FEM1C: variants seen among roughly 807,000 people sequenced by gnomAD.
FEM1C encodes the protein protein fem-1 homolog C.
A neutral mutation model predicts 37.6 loss-of-function variants in FEM1C; 15 were observed. That is an observed-to-expected ratio of 0.40 (90% CI 0.27 to 0.61). The LOEUF (loss-of-function observed/expected upper bound fraction) is 0.61. Among genes scored for constraint, FEM1C ranks in the 20% least tolerant of loss-of-function variants. The pLI is 0.42. For synonymous variants in FEM1C, 287 were observed against 272.8 expected, an observed-to-expected ratio of 1.05 and a Z score of -0.51; for missense variants, 532 against 749.7, an observed-to-expected ratio of 0.71 and a Z score of 3.39.
intron 2 of FEM1C, among the ~76,000 whole-genome samples, chr5:115,538,967 A>G (rs1414267557): frequency 6.6e-6 from 1 of 152,010 alleles, no homozygotes; most frequent in African/African-American, 2.4e-5. Flanking sequence ...ATTCCTAGTC[A>G]GTACACCCGC....
rs1333748401 is a variant in FEM1C at position 115,520,978 on chromosome 5, A to G, written c.*3330T>C. On this transcript the variant is annotated 3_prime_UTR_variant, in exon 3 of 3. Coordinates refer to ENST00000274457, the MANE Select transcript of FEM1C (RefSeq NM_020177.3). Reference sequence around the variant, plus strand: ...GCATATGATTTTCCATTGTGTGACAATTTATTAGCTGGCATCCGAATACAG... The same window carrying G: ...GCATATGATTTTCCATTGTGTGACAGTTTATTAGCTGGCATCCGAATACAG... 6.6e-6 allele frequency: 1 copy of G among 151,846 alleles called. No homozygotes were observed. Among genetic ancestry groups the G allele is most frequent in the Non-Finnish European group, 1.5e-5 (1 of 67,590 alleles). The allele number at this position is 151,846 out of a possible 1,614,324, so 9.4% of individuals were successfully genotyped here. A position where few individuals can be genotyped will look rare whatever the true frequency, so the allele number is the denominator to read the frequency against.
rs1279483675 is a variant in FEM1C, at chr5:115,524,282, A to C, written c.*26T>G. 7 of 1,594,532 alleles carry C rather than the reference A, an allele frequency of 4.4e-6. No individual in the cohort carries two copies. The highest frequency in any genetic ancestry group is 6.0e-6 in the Non-Finnish European group (7 of 1,163,798). Reference sequence around the variant, plus strand: ...AACAACTGTTACCAATTCGTGCTTTAACAGTGCTAAAATACAGTCAAGTTA... The same window carrying C: ...AACAACTGTTACCAATTCGTGCTTTCACAGTGCTAAAATACAGTCAAGTTA... On this transcript the variant is annotated 3_prime_UTR_variant, in exon 3 of 3. Transcript: ENST00000274457.
chr5:115,523,898 T>C lies in FEM1C; in HGVS notation c.*410A>G, dbSNP rs1016544231. On this transcript the variant is annotated 3_prime_UTR_variant, in exon 3 of 3. Coordinates refer to ENST00000274457, the MANE Select transcript of FEM1C (RefSeq NM_020177.3). ...GAAATGGTTAGGACAAACAATAAAG[T>C]AGAAACAGGGGGGAAACTTGAGAAG... 1.7e-5 allele frequency: 3 copies of C among 180,808 alleles called. No individual in the cohort carries two copies. Among genetic ancestry groups the C allele is most frequent in the South Asian group, 2.2e-4 (2 of 9,022 alleles). The allele number at this position is 180,808 out of a possible 1,614,324, so 11.2% of individuals were successfully genotyped here.
intron 2 of FEM1C, 55 bp from the exon 3 acceptor site, chr5:115,525,672 T>C (rs1003841277): frequency 2.3e-6 from 3 of 1,327,876 alleles, no homozygotes; most frequent in Non-Finnish European, 3.1e-6. Context: ...CAAAATATAA[T>C]GTAATATATA....
intron 2 of FEM1C, among the ~76,000 whole-genome samples, chr5:115,526,632 T>G (rs535748019): frequency 1.6e-4 from 25 of 152,244 alleles, no homozygotes; most frequent in African/African-American, 5.5e-4. Context: ...CATGCCGACC[T>G]CTGGTATTTA....
At chr5:115,539,137 G>T (rs1754188461) in intron 2 of FEM1C, among the ~76,000 whole-genome samples, 1 of 151,954 alleles carries the variant, frequency 6.6e-6, no homozygotes, top group Non-Finnish European at 1.5e-5. Flanking sequence ...ATTACTTTGG[G>T]TATCTAAACT....
At chr5:115,535,801 T>C (rs1353680094) in intron 2 of FEM1C, among the ~76,000 whole-genome samples, 2 of 151,936 alleles carry the variant, frequency 1.3e-5, no homozygotes, top group Admixed American at 6.6e-5. Context: ...CATGAATAGC[T>C]AAAAAGTATA....
At chr5:115,542,578 CA>C (rs1259422445) in intron 2 of FEM1C, among the ~76,000 whole-genome samples, 4 of 139,096 alleles carry the variant, frequency 2.9e-5, no homozygotes, top group Non-Finnish European at 6.3e-5. Context: ...AAAAAAAAAA[CA>C]AAACAAAAAG....
chr5:115,524,698 C>G lies in FEM1C; in HGVS notation c.1464G>C (p.Leu488=). Residue 488 remains leucine, a synonymous_variant, in exon 3 of 3, where the codon CTG becomes CTC. Transcript: ENST00000274457. The part of the protein sequence containing the change: ...RGKNNFSPLH[L]AVDKNTTCVG... ...CACATGTAGTATTCTTGTCCACAGC[C>G]AGATGAAGAGGGCTGAAGTTATTCT... is the stretch of plus-strand genomic sequence containing the variant. The G allele has an allele frequency of 6.5e-7, 1 of 1,543,746 alleles. No homozygotes were observed. The highest frequency in any genetic ancestry group is 8.7e-7 in the Non-Finnish European group (1 of 1,149,878).
At chr5:115,531,023 G>A (rs1176781295) in intron 2 of FEM1C, among the ~76,000 whole-genome samples, 2 of 151,714 alleles carry the variant, frequency 1.3e-5, no homozygotes, top group Non-Finnish European at 2.9e-5. Flanking sequence ...TTATTTAACT[G>A]TTGCCCCCTT....
intron 2 of FEM1C, among the ~76,000 whole-genome samples, chr5:115,537,227 C>A (rs1754147717): frequency 6.6e-6 from 1 of 151,992 alleles, no homozygotes; most frequent in African/African-American, 2.4e-5. Context: ...TATGTAATGC[C>A]CTGGGTTTCC....
intron 1 of FEM1C, chr5:115,544,185 T>G (rs1754305745): frequency 1.0e-6 from 1 of 985,046 alleles, no homozygotes; most frequent in South Asian, 4.7e-5. Flanking sequence ...TCTCTTTCCT[T>G]TAAAACTACT....
At chr5:115,534,558 A>C (rs912456603) in intron 2 of FEM1C, among the ~76,000 whole-genome samples, 5 of 151,910 alleles carry the variant, frequency 3.3e-5, no homozygotes, top group Admixed American at 2.6e-4. Flanking sequence ...ATTTAGATAA[A>C]ATTACCAAGA....
chr5:115,528,780 A>G (rs1332813799), intron 2 of FEM1C, among the ~76,000 whole-genome samples: 3 of 152,164 alleles, frequency 2.0e-5, no homozygotes. Context: ...GCCCAACAGG[A>G]GACCCAGATA....
intron 1 of FEM1C, chr5:115,544,089 GA>G (rs1754302765): frequency 1.0e-6 from 1 of 985,428 alleles, no homozygotes; most frequent in African/African-American, 1.7e-5. Flanking sequence ...CGCCAGGCTG[GA>G]AGGCCTGAGG....
In FEM1C at chr5:115,543,434, G is replaced by A. The variant is rs778509931; in HGVS notation, c.60C>T (p.Thr20=). Residue 20 remains threonine, a synonymous_variant, in exon 2 of 3, where the codon ACC becomes ACT. Coordinates refer to ENST00000274457, the MANE Select transcript of FEM1C (RefSeq NM_020177.3). ...CTTTGGATTTGCTTGCCAACAATTT[G>A]GTGAGAAGCCGGAGTTTGCCATCCC... The part of the protein sequence containing the change: ...AARDGKLRLL[T]KLLASKSKEE... 1 of 1,614,078 alleles carries A rather than the reference G, an allele frequency of 6.2e-7. No homozygotes were observed. Among genetic ancestry groups the A allele is most frequent in the East Asian group, 2.2e-5 (1 of 44,882 alleles).
At chr5:115,533,231 TA>T (rs1754054120) in intron 2 of FEM1C, among the ~76,000 whole-genome samples, 1 of 152,070 alleles carries the variant, frequency 6.6e-6, no homozygotes, top group African/African-American at 2.4e-5. Flanking sequence ...CCTTGGTAAA[TA>T]GAATATTTTC....
intron 2 of FEM1C, among the ~76,000 whole-genome samples, chr5:115,528,103 T>C (rs571323144): frequency 4.0e-5 from 6 of 149,232 alleles, no homozygotes; most frequent in South Asian, 2.2e-4. Flanking sequence ...TACACCCACA[T>C]ACCAGGAGAA....
chr5:115,533,212 A>G lies in FEM1C; in HGVS notation c.545-7595T>C, dbSNP rs186634945. ...TAAAATTAACTTTTTAATTTATATT[A>G]CCTCTATTCCTTGGTAAATAGAATA... On this transcript the variant is annotated intron_variant, in intron 2 of 2. Transcript: ENST00000274457. Among the ~76,000 whole-genome samples, 560 of 152,108 alleles carry G rather than the reference A, an allele frequency of 3.7e-3. 6 individuals carry two copies. The highest frequency in any genetic ancestry group is 0.02 in the Middle Eastern group (6 of 294).
Sources: allele counts gnomAD v4.1 joint callset (sites outside exome capture counted in the v4.1 genomes callset), GRCh38; gene constraint gnomAD v4.1.1; transcripts MANE v1.5; gene names NCBI Gene and HGNC (gene_info 2026-07-23, HGNC 2026-07-21).